Variants in CACNA1A observed in about 807,000 individuals in gnomAD.
The protein encoded by CACNA1A is voltage-dependent P/Q-type calcium channel subunit alpha-1A.
CACNA1A carries 57 observed loss-of-function variants against 262.4 expected under a neutral mutation model. The observed-to-expected ratio is 0.22, with a 90% CI of 0.18 to 0.27. CACNA1A has a LOEUF of 0.27. Ranked by LOEUF, CACNA1A falls within the 10% of genes least tolerant of loss-of-function variation. CACNA1A has a pLI of 1.00. For missense variants in CACNA1A, 2,526 were observed against 3,562.8 expected (o/e 0.71, Z 7.41); for synonymous variants, 1,431 against 1,419.3 (o/e 1.01, Z -0.18).
intron 1 of CACNA1A, among the ~76,000 whole-genome samples, chr19:13,494,970 T>C (rs1159436544): frequency 1.3e-5 from 2 of 152,140 alleles, no homozygotes; most frequent in East Asian, 3.9e-4. Flanking sequence ...AATCTCTGAC[T>C]AGTGGGTAAG....
intron 15 of CACNA1A, among the ~76,000 whole-genome samples, chr19:13,304,594 G>C (rs1300308366): frequency 3.3e-5 from 5 of 149,980 alleles, no homozygotes; most frequent in African/African-American, 4.9e-5. Context: ...TGCACTCCAG[G>C]CTGGGTGACA....
chr19:13,502,407 A>T (rs910820890), intron 1 of CACNA1A, among the ~76,000 whole-genome samples: 7 of 152,124 alleles, frequency 4.6e-5, no homozygotes, highest in Admixed American at 3.9e-4. Context: ...TGGCACAGGG[A>T]GGGCTGGAAA....
chr19:13,488,432 T>C (rs1445205119), intron 1 of CACNA1A, among the ~76,000 whole-genome samples: 3 of 112,378 alleles, frequency 2.7e-5, no homozygotes, highest in Non-Finnish European at 5.1e-5. Flanking sequence ...AGAGTCCCAC[T>C]CTGTCACCCA....
rs548257099 is a variant in CACNA1A at position 13,378,802 on chromosome 19, G to C, written c.540-7023C>G. 2.0e-4 allele frequency among the ~76,000 whole-genome samples: 31 copies of C among 151,634 alleles called. 2 individuals carry two copies. The South Asian group carries it at 5.2e-3, about 26-fold the overall frequency. On this transcript the variant is annotated intron_variant, in intron 3 of 46. Transcript: ENST00000360228. ...CGTGCCTCAGCCTCCCGAGTAGCTGGGCTTATAGGTGTGCACCACCACACC... is the reference window on the plus strand; with the variant it reads ...CGTGCCTCAGCCTCCCGAGTAGCTGCGCTTATAGGTGTGCACCACCACACC...
At position 13,506,251 on chromosome 19, in the gene CACNA1A, T is replaced by TACGCTGCGGCGA; in HGVS notation, c.-39_-28dup. 1 of 1,418,136 alleles carries TACGCTGCGGCGA rather than the reference T, an allele frequency of 7.1e-7. No homozygotes were observed. Among genetic ancestry groups the TACGCTGCGGCGA allele is most frequent in the East Asian group, 2.7e-5 (1 of 36,478 alleles). 87.8% of individuals were successfully genotyped at this position (1,418,136 alleles called of 1,614,324 possible). On this transcript the variant is annotated 5_prime_UTR_variant, in exon 1 of 47. Coordinates refer to ENST00000360228, the MANE Select transcript of CACNA1A (RefSeq NM_001127222.2). Reference sequence around the variant, plus strand: ...CTGCAAAGAGCAAAGGGCTCCGGGTTACGCTGCGGCGAACGATGCGGAAGA... The same window carrying TACGCTGCGGCGA: ...CTGCAAAGAGCAAAGGGCTCCGGGTTACGCTGCGGCGAACGCTGCGGCGAACGATGCGGAAGA...
chr19:13,347,479 T>C (rs8113228), intron 6 of CACNA1A, among the ~76,000 whole-genome samples: 113,594 of 151,930 alleles, frequency 0.75, 43,004 homozygotes, highest in East Asian at 1. Context: ...TCTAAGGCAG[T>C]GATCCACAAA....
In CACNA1A at chr19:13,227,523, G is replaced by A. The variant is rs1411699436; in HGVS notation, c.5533C>T (p.Arg1845Cys). 2 of 1,556,132 alleles carry A rather than the reference G, an allele frequency of 1.3e-6. No individual in the cohort carries two copies. Among genetic ancestry groups the A allele is most frequent in the Non-Finnish European group, 1.7e-6 (2 of 1,147,416 alleles). ...WAEYDPAAWG[R>C]MPYLDMYQML... ...TGATACATGTCCAGGTAAGGCATGC[G>A]GCCCCTGGCAGCACCGAAAATGAAA... is the stretch of plus-strand genomic sequence containing the variant. Residue 1845 changes from arginine to cysteine, a missense_variant, in exon 37 of 47, where the codon CGC becomes TGC. Arg to Cys is a radical substitution (Grantham distance 180, BLOSUM62 -3). Around this residue, in one of 17 missense-constraint regions of CACNA1A, gnomAD observed 112 missense variants for 197.2 expected, o/e 0.57. Transcript: ENST00000360228.
intron 3 of CACNA1A, among the ~76,000 whole-genome samples, chr19:13,402,777 T>TACATATATATACATATATACAC (rs1221095450): frequency 7.5e-6 from 1 of 133,462 alleles, no homozygotes; most frequent in Non-Finnish European, 1.6e-5. Flanking sequence ...TACATATATA[T>TACATATATATACATATATACAC]ACATATATAT....
intron 30 of CACNA1A, 62 bp from the exon 31 acceptor site, chr19:13,245,327 C>T: frequency 7.3e-7 from 1 of 1,363,270 alleles, no homozygotes; most frequent in Admixed American, 1.7e-5. Context: ...GCCCCCTAGG[C>T]TGGCCGGGTG....
rs774253800 is a variant in CACNA1A, at chr19:13,227,473, G to A, written c.5583C>T (p.Pro1861=). The A allele has an allele frequency of 6.2e-7, 1 of 1,609,940 alleles. No homozygotes were observed. Among genetic ancestry groups the A allele is most frequent in the South Asian group, 1.1e-5 (1 of 90,646 alleles). ...MYQMLRHMSP[P]LGLGKKCPAR... is the part of the protein sequence containing the mutation. ...CCGGACACTTCTTCCCCAGACCCAG[G>A]GGCGGAGACATGTGTCTCAGCATCT... Residue 1861 remains proline (P), a synonymous_variant, in exon 37 of 47, where the codon CCC becomes CCT. Transcript: ENST00000360228.
chr19:13,318,866 T>C (rs924880859), intron 10 of CACNA1A, among the ~76,000 whole-genome samples: 8 of 149,998 alleles, frequency 5.3e-5, no homozygotes, highest in Non-Finnish European at 7.4e-5. Context: ...TTTGGACAGA[T>C]TGAATTTACC....
intron 1 of CACNA1A, among the ~76,000 whole-genome samples, chr19:13,484,668 T>TA (rs1979764158): frequency 1.3e-5 from 2 of 152,298 alleles, no homozygotes; most frequent in South Asian, 2.1e-4. Context: ...TTCACAGACA[T>TA]AAAATCATTG....
intron 10 of CACNA1A, among the ~76,000 whole-genome samples, chr19:13,321,041 CT>C (rs55743628): frequency 0.47 from 55,318 of 118,942 alleles, 11,404 homozygotes; most frequent in East Asian, 0.74. Flanking sequence ...TTTTTTTTTT[CT>C]TTTTTTTTTG....
intron 2 of CACNA1A, among the ~76,000 whole-genome samples, chr19:13,454,266 C>A (rs1047299976): frequency 2.0e-5 from 3 of 151,626 alleles, no homozygotes; most frequent in Admixed American, 6.6e-5. Context: ...GGTGACCAGT[C>A]CCCCTCCTGA....
intron 3 of CACNA1A, 40 bp downstream of exon 3, chr19:13,452,836 C>T (rs1274131814): frequency 6.3e-7 from 1 of 1,586,450 alleles, no homozygotes; most frequent in Non-Finnish European, 8.6e-7. Flanking sequence ...CGTAATCCTT[C>T]AGCTAGTTAA....
At chr19:13,460,993 C>T (rs2061111547) in intron 1 of CACNA1A, among the ~76,000 whole-genome samples, 1 of 152,106 alleles carries the variant, frequency 6.6e-6, no homozygotes, top group South Asian at 2.1e-4. Flanking sequence ...TTGTTCACTG[C>T]TTCATCCTCT....
rs777898817 is a variant in CACNA1A, at chr19:13,207,453, C to A, written c.7381G>T (p.Ala2461Ser). The change falls in exon 47 of 47, where the codon GCC (alanine) becomes TCC (serine). Residue 2461 changes from alanine to serine, a missense_variant. This residue lies in a region of CACNA1A where 929 missense variants were observed against 868.1 expected (regional missense o/e 1.07). Coordinates refer to ENST00000360228, the MANE Select transcript of CACNA1A (RefSeq NM_001127222.2). This position sits in a 1 kb window ranked among gnomAD's most constrained non-coding sequence, Gnocchi z 5.7. ...SPRTPRASGP[A>S]CASPSRHGRR... ...CCGTGCCGAGAAGGCGAGGCGCAGGCCGGGCCCGAGGCCCGGGGAGTCCTG... is the reference window on the plus strand; with the variant it reads ...CCGTGCCGAGAAGGCGAGGCGCAGGACGGGCCCGAGGCCCGGGGAGTCCTG... 2 of 1,503,684 alleles carry A rather than the reference C, an allele frequency of 1.3e-6. No individual in the cohort carries two copies. The highest frequency in any genetic ancestry group is 5.3e-5 in the East Asian group (2 of 37,420). The allele number at this position is 1,503,684 out of a possible 1,614,324, so 93.1% of individuals were successfully genotyped here.
At chr19:13,387,397 G>A (rs2059633686) in intron 3 of CACNA1A, among the ~76,000 whole-genome samples, 1 of 152,102 alleles carries the variant, frequency 6.6e-6, no homozygotes, top group Non-Finnish European at 1.5e-5. Flanking sequence ...TGCTTACCAG[G>A]GACTTGTTCT....
At chr19:13,305,872 C>A (rs1171605966) in intron 15 of CACNA1A, among the ~76,000 whole-genome samples, 2 of 152,034 alleles carry the variant, frequency 1.3e-5, no homozygotes, top group African/African-American at 4.8e-5. Flanking sequence ...CCAGCCTGGC[C>A]AACATAGTGA....
Sources: gnomAD v4.1 joint callset for allele counts (sites outside exome capture counted in the v4.1 genomes callset) on GRCh38, gnomAD v4.1.1 for gene constraint, gnomAD v4.1.1 regional missense constraint, Gnocchi (gnomAD v3.1) non-coding constraint, MANE v1.5 for transcripts, NCBI Gene and HGNC (gene_info 2026-07-23, HGNC 2026-07-21) for gene names.